Variants in UBE3C observed in about 807,000 individuals in gnomAD.
The protein encoded by UBE3C is ubiquitin-protein ligase E3C.
Under a neutral mutation model 129.4 loss-of-function variants are expected in UBE3C, and 42 were observed. The observed-to-expected ratio is 0.32, with a 90% CI of 0.25 to 0.42. The LOEUF (loss-of-function observed/expected upper bound fraction) is 0.42. Among genes scored for constraint, UBE3C ranks in the 10% least tolerant of loss-of-function variants. The pLI is 1.00. For missense variants in UBE3C, 1,049 were observed against 1,319.1 expected (o/e 0.80, Z 3.17); for synonymous variants, 510 against 492.4 (o/e 1.04, Z -0.47).
chr7:157,163,950 G>C (rs764293723), intron 2 of UBE3C, 87 bp downstream of exon 2: 4 of 1,225,614 alleles, frequency 3.3e-6, no homozygotes, highest in Non-Finnish European at 4.7e-6. Context: ...ATATGTATGT[G>C]TGTATGTATT....
At chr7:157,212,798 T>C (rs1027985440) in intron 13 of UBE3C, among the ~76,000 whole-genome samples, 1 of 152,238 alleles carries the variant, frequency 6.6e-6, no homozygotes, top group African/African-American at 2.4e-5. Context: ...GGTTTCGTTC[T>C]GTTGCCCAAG....
intron 18 of UBE3C, among the ~76,000 whole-genome samples, chr7:157,245,875 C>T (rs544408603): frequency 1.3e-3 from 198 of 151,800 alleles, no homozygotes; most frequent in African/African-American, 4.7e-3. Context: ...CCTGTAGTCC[C>T]AGCTACTCAG....
At chr7:157,159,755 G>A (rs1308570619) in intron 1 of UBE3C, among the ~76,000 whole-genome samples, 3 of 152,098 alleles carry the variant, frequency 2.0e-5, no homozygotes, top group East Asian at 1.9e-4. Context: ...TCCCGGCGGC[G>A]GAGGTTGCAG....
At chr7:157,142,944 A>G (rs1213788211) in intron 1 of UBE3C, among the ~76,000 whole-genome samples, 2 of 150,888 alleles carry the variant, frequency 1.3e-5, no homozygotes, top group African/African-American at 2.4e-5. Context: ...TCAGCTCACC[A>G]CAAACCTCCA....
At chr7:157,197,748 C>T (rs374344669) in intron 10 of UBE3C, 55 of 1,611,558 alleles carry the variant, frequency 3.4e-5, no homozygotes, top group South Asian at 3.1e-4. Context: ...AATAAAGTTC[C>T]GGACATCCAG....
intron 19 of UBE3C, among the ~76,000 whole-genome samples, chr7:157,248,972 A>G (rs62493376): frequency 0.12 from 17,768 of 152,168 alleles, 1,154 homozygotes; most frequent in African/African-American, 0.15. Context: ...AGCACTGTCT[A>G]GGGGGTGTGT....
intron 21 of UBE3C, among the ~76,000 whole-genome samples, chr7:157,255,638 A>C (rs949309069): frequency 9.2e-5 from 14 of 152,324 alleles, no homozygotes; most frequent in Admixed American, 1.3e-4. Flanking sequence ...TAATAATCTC[A>C]GCTATGCCAG....
intron 1 of UBE3C, among the ~76,000 whole-genome samples, chr7:157,146,340 T>C (rs1318917395): frequency 6.6e-6 from 1 of 151,656 alleles, no homozygotes; most frequent in Admixed American, 6.6e-5. Context: ...CAAGCAGTTC[T>C]CCGGCCTCAG....
intron 13 of UBE3C, among the ~76,000 whole-genome samples, chr7:157,212,930 G>A (rs1586692947): frequency 6.6e-6 from 1 of 151,878 alleles, no homozygotes; most frequent in African/African-American, 2.4e-5. Flanking sequence ...GCTAATTTTT[G>A]TATTTTTTGT....
chr7:157,259,029 A>T (rs553014190), intron 22 of UBE3C, among the ~76,000 whole-genome samples: 145 of 152,336 alleles, frequency 9.5e-4, no homozygotes, highest in Non-Finnish European at 1.6e-3. Context: ...AAACGGCCAC[A>T]ATTAAATTAT....
chr7:157,231,341 C>T lies in UBE3C; in HGVS notation c.2481+14C>T, dbSNP rs953255596. 3.1e-6 allele frequency: 5 copies of T among 1,611,596 alleles called. No homozygotes were observed. The highest frequency in any genetic ancestry group is 1.7e-5 in the Admixed American group (1 of 59,522). ...ATGCTTGGAAAGGTAAAGTAACCTT[C>T]ATATAAAAATAGACCTCGGACCAAA... On this transcript the variant is annotated intron_variant, in intron 18 of 22. Coordinates refer to ENST00000348165, the MANE Select transcript of UBE3C (RefSeq NM_014671.3).
intron 5 of UBE3C, 118 bp from the exon 6 acceptor site, chr7:157,178,572 T>G: frequency 9.7e-7 from 1 of 1,030,842 alleles, no homozygotes; most frequent in Non-Finnish European, 1.4e-6. Flanking sequence ...TGTCCCTATT[T>G]TCAGAGATAA....
intron 18 of UBE3C, among the ~76,000 whole-genome samples, chr7:157,239,148 A>G (rs1432279248): frequency 2.0e-5 from 3 of 152,228 alleles, no homozygotes; most frequent in Non-Finnish European, 4.4e-5. Flanking sequence ...ATTAGAATAC[A>G]TGTGAAAGAA....
intron 16 of UBE3C, among the ~76,000 whole-genome samples, chr7:157,224,653 G>A (rs373693241): frequency 1.3e-5 from 2 of 151,874 alleles, no homozygotes; most frequent in South Asian, 4.1e-4. Flanking sequence ...ACTTGGTTCC[G>A]TTCTTCAGTA....
At chr7:157,142,760 A>G (rs6459734) in intron 1 of UBE3C, among the ~76,000 whole-genome samples, 72,214 of 151,974 alleles carry the variant, frequency 0.48, 19,776 homozygotes, top group African/African-American at 0.77. Flanking sequence ...CTCCCCGGGT[A>G]ATGGGATCAT....
chr7:157,159,073 C>T (rs1200540901), intron 1 of UBE3C, among the ~76,000 whole-genome samples: 1 of 152,182 alleles, frequency 6.6e-6, no homozygotes, highest in African/African-American at 2.4e-5. Context: ...CTTGTGAAGT[C>T]ATGGGCGGTA....
chr7:157,199,815 T>C (rs1246945698), intron 10 of UBE3C, among the ~76,000 whole-genome samples: 1 of 152,206 alleles, frequency 6.6e-6, no homozygotes, highest in Admixed American at 6.5e-5. Context: ...CGAACATTAA[T>C]GACAGACAGC....
intron 5 of UBE3C, among the ~76,000 whole-genome samples, chr7:157,177,946 AG>A (rs1452846016): frequency 0.03 from 4,269 of 143,474 alleles, 142 homozygotes; most frequent in African/African-American, 0.09. Context: ...TTTTTTTTTA[AG>A]AAAAAGGAAA....
In UBE3C at chr7:157,192,406, C is replaced by T. The variant is rs1425409609; in HGVS notation, c.1331+5385C>T. On this transcript the variant is annotated intron_variant, in intron 10 of 22. Coordinates refer to ENST00000348165, the MANE Select transcript of UBE3C (RefSeq NM_014671.3). ...TAAAAACCCTTACGGGGAAGACCAT[C>T]ACCCTCAAGGTTGAACCCTTGGATA... 8.4e-6 allele frequency: 6 copies of T among 711,166 alleles called. No individual in the cohort carries two copies. In the African/African-American group the frequency reaches 8.8e-5, roughly 10 times the overall value. The allele number at this position is 711,166 out of a possible 1,614,324, so 44.1% of individuals were successfully genotyped here.
Sources: allele counts gnomAD v4.1 joint callset (sites outside exome capture counted in the v4.1 genomes callset), GRCh38; gene constraint gnomAD v4.1.1; transcripts MANE v1.5; gene names NCBI Gene and HGNC (gene_info 2026-07-23, HGNC 2026-07-21).